Variants in LTBP4 observed in about 807,000 individuals in gnomAD.
LTBP4 encodes latent transforming growth factor beta binding protein 4.
A neutral mutation model predicts 180.2 loss-of-function variants in LTBP4; 93 were observed. The ratio of observed to expected loss-of-function variants is 0.52; its 90% confidence interval spans 0.44 to 0.61. The LOEUF (loss-of-function observed/expected upper bound fraction) is 0.61, where lower values mean the gene tolerates loss of function less well. Ranked by LOEUF, LTBP4 falls within the 20% of genes least tolerant of loss-of-function variation. LTBP4 has a pLI of 0.00. For missense variants in LTBP4, 2,116 were observed against 2,256.5 expected (o/e 0.94, Z 1.26); for synonymous variants, 947 against 934.5 (o/e 1.01, Z -0.24).
chr19:40,620,707 C>T (rs1021477624), intron 22 of LTBP4, among the ~76,000 whole-genome samples: 103 of 122,674 alleles, frequency 8.4e-4, no homozygotes, highest in African/African-American at 1.4e-3. Context: ...ATCCAGGAGG[C>T]GGAGGTTGTG....
Position 40,614,310 on chromosome 19 carries a change from C to T in LTBP4, c.2681-5C>T. 1 of 1,598,578 alleles carries T rather than the reference C, an allele frequency of 6.3e-7. No individual in the cohort carries two copies. Among genetic ancestry groups the T allele is most frequent in the Non-Finnish European group, 8.5e-7 (1 of 1,178,900 alleles). On this transcript the variant is annotated splice_polypyrimidine_tract_variant and splice_region_variant and intron_variant, in intron 18 of 29. Coordinates refer to ENST00000396819, the MANE Select transcript of LTBP4 (RefSeq NM_001042545.2). ...CACATCCGACCACCCGACCTCTCTCCTCAGACGTGGACGAATGTCGCGAGC... is the reference window on the plus strand; with the variant it reads ...CACATCCGACCACCCGACCTCTCTCTTCAGACGTGGACGAATGTCGCGAGC...
chr19:40,610,848 A>T, intron 12 of LTBP4, 191 bp downstream of exon 12: 1 of 863,532 alleles, frequency 1.2e-6, no homozygotes, highest in Non-Finnish European at 1.7e-6. Context: ...GATGGGAAAC[A>T]GAAAGGCTGA....
At chr19:40,614,982 C>T (rs2146034911) in intron 19 of LTBP4, among the ~76,000 whole-genome samples, 1 of 152,276 alleles carries the variant, frequency 6.6e-6, no homozygotes, top group Non-Finnish European at 1.5e-5. Flanking sequence ...TCTCTCTAGA[C>T]AGGGCTTTCC....
In LTBP4 at chr19:40,622,646, CA is replaced by C. The variant is rs606231159; in HGVS notation, c.3464del (p.Gln1155ArgfsTer27). On this transcript the variant is annotated frameshift_variant, in exon 23 of 30. Transcript: ENST00000396819. LOFTEE classifies it high-confidence loss of function. The surrounding 1 kb of genome is among the most constrained non-coding windows in gnomAD (Gnocchi z 5.1). Reference sequence around the variant, plus strand: ...CTGGGGCAGCGGCTGCCGCATCCAGCAGTGCCCGGGCACCGAGACAGGTGGG... The same window carrying C: ...CTGGGGCAGCGGCTGCCGCATCCAGCGTGCCCGGGCACCGAGACAGGTGGG... ...EGWGSGCRIQ[Q>X]CPGTETAEYQ... 6.2e-7 allele frequency: 1 copy of C among 1,605,318 alleles called. No individual in the cohort carries two copies. The highest frequency in any genetic ancestry group is 8.5e-7 in the Non-Finnish European group (1 of 1,175,316).
Position 40,619,393 on chromosome 19 carries a change from G to A in LTBP4, c.3117G>A (p.Leu1039=), listed in dbSNP as rs757243802. The A allele has an allele frequency of 1.9e-6, 3 of 1,613,800 alleles. No individual in the cohort carries two copies. Among genetic ancestry groups the A allele is most frequent in the South Asian group, 1.1e-5 (1 of 91,078 alleles). ...ETLQGVCGAA[L]CENVEGSFLC... ...TACAGGGTGTATGTGGAGCTGCCCT[G>A]TGTGAAAATGTCGAAGGCTCCTTCC... Residue 1039 remains leucine (L), a synonymous_variant, in exon 22 of 30, where the codon CTG becomes CTA. Coordinates refer to ENST00000396819, the MANE Select transcript of LTBP4 (RefSeq NM_001042545.2).
chr19:40,610,720 G>T, intron 12 of LTBP4, 63 bp downstream of exon 12: 1 of 1,516,568 alleles, frequency 6.6e-7, no homozygotes, highest in Non-Finnish European at 8.8e-7. Context: ...GCAGTGATGA[G>T]GGCCAGAGAG....
upstream of LTBP4, chr19:40,599,537 C>T: frequency 6.2e-7 from 1 of 1,610,674 alleles, no homozygotes; most frequent in Non-Finnish European, 8.5e-7. Context: ...ACAGGTGTCC[C>T]TCAACTGGCA....
Position 40,614,003 on chromosome 19 carries a change from G to A in LTBP4, c.2645G>A (p.Gly882Glu). 1.9e-6 allele frequency: 3 copies of A among 1,613,460 alleles called. No homozygotes were observed. The highest frequency in any genetic ancestry group is 2.5e-6 in the Non-Finnish European group (3 of 1,179,780). The change falls in exon 18 of 30, where the codon GGA becomes GAA. Residue 882 changes from glycine (G) to glutamate (E), a missense_variant. Gly to Glu is a moderately conservative substitution (Grantham distance 98). Transcript: ENST00000396819. ...TCCTTCGAGTGCATCTGTCCTCCGG[G>A]ACACCGCGCTGGCCCGGACCTCGCC... Reference protein sequence around the residue: ...DGSFECICPPGHRAGPDLASC... With the variant: ...DGSFECICPPEHRAGPDLASC...
rs1038151586 is a variant in LTBP4 at position 40,611,712 on chromosome 19, G to A, written c.2054-147G>A. Reference sequence around the variant, plus strand: ...GAGAGACCATTGAATGGGGACACGAGGAAGGTGTCTGTCTTCCTGGGAAGA... The same window carrying A: ...GAGAGACCATTGAATGGGGACACGAAGAAGGTGTCTGTCTTCCTGGGAAGA... On this transcript the variant is annotated intron_variant, in intron 13 of 29. Coordinates refer to ENST00000396819, the MANE Select transcript of LTBP4 (RefSeq NM_001042545.2). The surrounding 1 kb of genome is among the most constrained non-coding windows in gnomAD (Gnocchi z 4.4). 2.0e-5 allele frequency: 25 copies of A among 1,278,666 alleles called. No homozygotes were observed. Among genetic ancestry groups the A allele is most frequent in the Non-Finnish European group, 2.5e-5 (24 of 943,120 alleles). 79.2% of individuals were successfully genotyped at this position (1,278,666 alleles called of 1,614,324 possible). A position where few individuals can be genotyped will look rare whatever the true frequency, so the allele number is the denominator to read the frequency against.
chr19:40,627,712 G>A lies in LTBP4; in HGVS notation c.4374G>A (p.Leu1458=), dbSNP rs1184237997. The A allele has an allele frequency of 1.9e-6, 3 of 1,594,462 alleles. No individual in the cohort carries two copies. The highest frequency in any genetic ancestry group is 1.3e-5 in the African/African-American group (1 of 74,614). Residue 1458 remains leucine, a synonymous_variant, in exon 29 of 30, where the codon CTG becomes CTA. Transcript: ENST00000396819. ...TCCCCGCATTTCCCACAGGTTCCCT[G>A]GCTGAGCCCTACGAGGAGCTGGAGG... ...PPEGGSYAGS[L]AEPYEELEAE... is the part of the protein sequence containing the mutation.
At chr19:40,607,792 G>A (rs1423947905) in intron 7 of LTBP4, among the ~76,000 whole-genome samples, 2 of 152,132 alleles carry the variant, frequency 1.3e-5, no homozygotes, top group African/African-American at 2.4e-5. Context: ...GAGCGTCAAC[G>A]CCCAGTCCCA....
At chr19:40,620,770 A>G (rs1378128930) in intron 22 of LTBP4, among the ~76,000 whole-genome samples, 5 of 77,144 alleles carry the variant, frequency 6.5e-5, no homozygotes, top group Non-Finnish European at 1.2e-4. Flanking sequence ...TCCGTCCCAA[A>G]AAAAAAAAAA....
chr19:40,629,617 C>A lies in LTBP4; in HGVS notation c.*67C>A. 1 of 1,313,554 alleles carries A rather than the reference C, an allele frequency of 7.6e-7. No homozygotes were observed. The highest frequency in any genetic ancestry group is 9.7e-7 in the Non-Finnish European group (1 of 1,031,348). The allele number at this position is 1,313,554 out of a possible 1,614,324, so 81.4% of individuals were successfully genotyped here. A position where few individuals can be genotyped will look rare whatever the true frequency, so the allele number is the denominator to read the frequency against. ...GGGCCCCTGCCGCGCATCCTGCAGC[C>A]CGCTTATGCGTATGTGCACGGGGCC... On this transcript the variant is annotated 3_prime_UTR_variant, in exon 30 of 30. Coordinates refer to ENST00000396819, the MANE Select transcript of LTBP4 (RefSeq NM_001042545.2). The surrounding 1 kb of genome is among the most constrained non-coding windows in gnomAD (Gnocchi z 4.5).
upstream of LTBP4, chr19:40,600,019 A>G: frequency 2.0e-6 from 2 of 988,332 alleles, no homozygotes; most frequent in Non-Finnish European, 2.7e-6. The surrounding 1 kb of genome is among the most constrained non-coding windows in gnomAD (Gnocchi z 4.4). Context: ...TTTGGTGGGG[A>G]GGTCAGTTTA....
In LTBP4 at chr19:40,622,321, C is replaced by A. The variant is rs1360224698; in HGVS notation, c.3218-80C>A. The A allele has an allele frequency of 3.6e-5, 51 of 1,423,568 alleles. No homozygotes were observed. The highest frequency in any genetic ancestry group is 4.6e-5 in the Non-Finnish European group (49 of 1,072,272). 88.2% of individuals were successfully genotyped at this position (1,423,568 alleles called of 1,614,324 possible). On this transcript the variant is annotated intron_variant, in intron 22 of 29. Transcript: ENST00000396819. This position sits in a 1 kb window ranked among gnomAD's most constrained non-coding sequence, Gnocchi z 5.1. ...CCACCCTCTGTTTCCCTATCTATGC[C>A]AGCCTCAGTTTCCCCATCTATGATA...
rs375879929 is a variant in LTBP4 at position 40,622,629 on chromosome 19, G to C, written c.3446G>C (p.Ser1149Thr). 237 of 1,608,798 alleles carry C rather than the reference G, an allele frequency of 1.5e-4. No individual in the cohort carries two copies. Among genetic ancestry groups the C allele is most frequent in the Non-Finnish European group, 1.9e-4 (229 of 1,177,656 alleles). ...TGTACTGTGGGTGAGGGCTGGGGCA[G>C]CGGCTGCCGCATCCAGCAGTGCCCG... ...CCCTVGEGWG[S>T]GCRIQQCPGT... Residue 1149 changes from serine to threonine, a missense_variant, in exon 23 of 30, where the codon AGC becomes ACC. This residue lies in a region of LTBP4 where 278 missense variants were observed against 373.0 expected (regional missense o/e 0.75). Coordinates refer to ENST00000396819, the MANE Select transcript of LTBP4 (RefSeq NM_001042545.2). This position sits in a 1 kb window ranked among gnomAD's most constrained non-coding sequence, Gnocchi z 5.1.
At chr19:40,624,892 T>C (rs2081613206) in intron 26 of LTBP4, among the ~76,000 whole-genome samples, 1 of 151,942 alleles carries the variant, frequency 6.6e-6, no homozygotes, top group African/African-American at 2.4e-5. Context: ...TGGATCTTTG[T>C]TTTCAGGTCC....
intron 27 of LTBP4, among the ~76,000 whole-genome samples, chr19:40,626,249 G>A (rs2081632971): frequency 6.6e-6 from 1 of 152,028 alleles, no homozygotes; most frequent in South Asian, 2.1e-4. Flanking sequence ...CAGACCCACA[G>A]GCCCCTGAGG....
chr19:40,602,606 C>G (rs2081432506), intron 1 of LTBP4, among the ~76,000 whole-genome samples: 1 of 152,224 alleles, frequency 6.6e-6, no homozygotes, highest in Non-Finnish European at 1.5e-5. Context: ...TCACTCTTTC[C>G]CGGCCCAGCC....
Sources: gnomAD v4.1 joint callset for allele counts (sites outside exome capture counted in the v4.1 genomes callset) on GRCh38, gnomAD v4.1.1 for gene constraint, gnomAD v4.1.1 regional missense constraint, Gnocchi (gnomAD v3.1) non-coding constraint, MANE v1.5 for transcripts, NCBI Gene and HGNC (gene_info 2026-07-23, HGNC 2026-07-21) for gene names.